The following MEIS2 variants were observed in gnomAD, a reference collection of about 807,000 sequenced individuals.
The protein encoded by MEIS2 is Meis homeobox 2.
MEIS2 carries 9 observed loss-of-function variants against 58.6 expected under a neutral mutation model. The observed-to-expected ratio is 0.15, with a 90% CI of 0.09 to 0.27. The LOEUF (loss-of-function observed/expected upper bound fraction) is 0.27, where lower values mean the gene tolerates loss of function less well. MEIS2 is among the 10% of genes least tolerant of loss of function. The pLI, the probability that MEIS2 is intolerant of heterozygous loss-of-function variation, is 1.00. For missense variants in MEIS2, 427 were observed against 635.0 expected, an observed-to-expected ratio of 0.67 and a Z score of 3.52; for synonymous variants, 221 against 228.4, an observed-to-expected ratio of 0.97 and a Z score of 0.29.
At chr15:37,074,538 T>G (rs956296242) in intron 7 of MEIS2, among the ~76,000 whole-genome samples, 35 of 151,970 alleles carry the variant, frequency 2.3e-4, no homozygotes, top group African/African-American at 8.0e-4. Context: ...TAATTCAATC[T>G]TATTTTACAG....
At chr15:36,983,687 A>G (rs12898938) in intron 8 of MEIS2, among the ~76,000 whole-genome samples, 78,674 of 151,816 alleles carry the variant, frequency 0.52, 21,110 homozygotes, top group South Asian at 0.7. Flanking sequence ...GAAAAATAAC[A>G]TTGGAATTTT....
At chr15:37,010,492 C>T (rs1157324977) in intron 8 of MEIS2, among the ~76,000 whole-genome samples, 1 of 152,148 alleles carries the variant, frequency 6.6e-6, no homozygotes, top group Non-Finnish European at 1.5e-5. Flanking sequence ...AAGAGATCCT[C>T]ACCCCTAAGC....
At chr15:36,955,905 C>T (rs564785678) in intron 8 of MEIS2, among the ~76,000 whole-genome samples, 1 of 148,956 alleles carries the variant, frequency 6.7e-6, no homozygotes, top group East Asian at 2.0e-4. Flanking sequence ...GGGCCGGGTG[C>T]GGTGGCTCAT....
Position 37,010,176 on chromosome 15 carries a change from A to C in MEIS2, c.900+26638T>G, listed in dbSNP as rs372936246. ...GATCTCGGCTCACTGCAAGCTCTGC[A>C]TCCTGGGTTCACGCCATTCTCCTGC... is the stretch of plus-strand genomic sequence containing the variant. On this transcript the variant is annotated intron_variant, in intron 8 of 11. Coordinates refer to ENST00000561208, the MANE Select transcript of MEIS2 (RefSeq NM_170675.5). Among the ~76,000 whole-genome samples the C allele has an allele frequency of 9.0e-4, 131 of 145,190 alleles. 1 individual carries two copies. In the South Asian group the frequency reaches 0.016, roughly 18 times the overall value.
Position 36,891,408 on chromosome 15 carries a change from CT to C in MEIS2, c.*764del, listed in dbSNP as rs34362471. 0.49 allele frequency: 74,806 copies of C among 152,058 alleles called. 18,654 individuals carry two copies. Among genetic ancestry groups the C allele is most frequent in the African/African-American group, 0.57 (23,656 of 41,332 alleles). The allele number at this position is 152,058 out of a possible 1,614,324, so 9.4% of individuals were successfully genotyped here. On this transcript the variant is annotated 3_prime_UTR_variant, in exon 12 of 12. Coordinates refer to ENST00000561208, the MANE Select transcript of MEIS2 (RefSeq NM_170675.5). ...GTTATGGTTCAATGACCATTAATAA[CT>C]TTTTTTTGTGTTGAGGAAAGCTGCC... is the stretch of plus-strand genomic sequence containing the variant.
intron 6 of MEIS2, among the ~76,000 whole-genome samples, chr15:37,089,744 A>G (rs578100220): frequency 1.3e-5 from 2 of 152,294 alleles, no homozygotes; most frequent in African/African-American, 4.8e-5. Context: ...ATTTGCTTCA[A>G]GAAAATAGAG....
At chr15:37,049,162 T>C (rs537295016) in intron 7 of MEIS2, among the ~76,000 whole-genome samples, 2 of 152,282 alleles carry the variant, frequency 1.3e-5, no homozygotes, top group Non-Finnish European at 2.9e-5. Context: ...ATACACATAA[T>C]AGCCCTAGAG....
At chr15:37,026,130 T>C (rs895385224) in intron 8 of MEIS2, among the ~76,000 whole-genome samples, 2 of 152,112 alleles carry the variant, frequency 1.3e-5, no homozygotes, top group African/African-American at 4.8e-5. Context: ...AACACTGAAA[T>C]AGAACCTATA....
At position 36,923,863 on chromosome 15, in the gene MEIS2, T is replaced by C. The variant is rs570245754; in HGVS notation, c.977+26461A>G. On this transcript the variant is annotated intron_variant, in intron 9 of 11. Coordinates refer to ENST00000561208, the MANE Select transcript of MEIS2 (RefSeq NM_170675.5). ...AGCAAGCCATGCCATGTCACCTCCC[T>C]CCATACAGGTTTGGCTGAAACATCT... is the stretch of plus-strand genomic sequence containing the variant. Among the ~76,000 whole-genome samples, 13 of 152,216 alleles carry C rather than the reference T, an allele frequency of 8.5e-5. No homozygotes were observed. The South Asian group carries it at 2.7e-3, about 32-fold the overall frequency.
intron 7 of MEIS2, 72 bp from the exon 8 acceptor site, chr15:37,037,031 A>G (rs2062185805): frequency 2.2e-6 from 3 of 1,376,614 alleles, no homozygotes; most frequent in African/African-American, 1.5e-5. Flanking sequence ...GCTAATGATG[A>G]GCTCAGCTAA....
At chr15:37,089,692 T>C (rs1487311202) in intron 6 of MEIS2, among the ~76,000 whole-genome samples, 1 of 152,212 alleles carries the variant, frequency 6.6e-6, no homozygotes, top group Non-Finnish European at 1.5e-5. Flanking sequence ...TGTAGCTCTT[T>C]ATGACCACTA....
chr15:36,963,379 CA>C (rs60924393), intron 8 of MEIS2, among the ~76,000 whole-genome samples: 57,279 of 121,666 alleles, frequency 0.47, 11,575 homozygotes, highest in East Asian at 0.63. Context: ...GACTCCATCT[CA>C]AAAAAAAAAA....
intron 8 of MEIS2, among the ~76,000 whole-genome samples, chr15:37,035,081 C>T (rs966909958): frequency 6.6e-6 from 1 of 152,062 alleles, no homozygotes; most frequent in Non-Finnish European, 1.5e-5. Context: ...CCAAGAAAGA[C>T]CAAGCATGGA....
chr15:37,037,006 CCAA>C lies in MEIS2; in HGVS notation c.755-50_755-48del, dbSNP rs761189576. 5.0e-5 allele frequency: 77 copies of C among 1,552,056 alleles called. 1 individual carries two copies. The South Asian group carries it at 5.6e-4, about 11-fold the overall frequency. On this transcript the variant is annotated intron_variant, in intron 7 of 11. Coordinates refer to ENST00000561208, the MANE Select transcript of MEIS2 (RefSeq NM_170675.5). ...ACATTAGAGAAAACATCGCAAGGTG[CCAA>C]CAACAAGTGCAGCTAATGATGAGCT...
Position 37,047,534 on chromosome 15 carries a change from G to A in MEIS2, c.755-10575C>T, listed in dbSNP as rs375151684. Among the ~76,000 whole-genome samples, 162 of 152,282 alleles carry A rather than the reference G, an allele frequency of 1.1e-3. 1 individual carries two copies. The highest frequency in any genetic ancestry group is 3.4e-3 in the African/African-American group (143 of 41,572). On this transcript the variant is annotated intron_variant, in intron 7 of 11. Transcript: ENST00000561208. ...TCTCAGGAGGTTAATCTTTGAACTGGTAAATGTTATAATTAGGAGCCTTGA... is the reference window on the plus strand; with the variant it reads ...TCTCAGGAGGTTAATCTTTGAACTGATAAATGTTATAATTAGGAGCCTTGA...
At chr15:36,914,431 C>T (rs961635171) in intron 9 of MEIS2, among the ~76,000 whole-genome samples, 1 of 152,200 alleles carries the variant, frequency 6.6e-6, no homozygotes. Context: ...AGATTAAATA[C>T]TGAGGTCTAG....
chr15:36,900,428 T>C (rs1420354236), intron 9 of MEIS2, among the ~76,000 whole-genome samples: 2 of 152,226 alleles, frequency 1.3e-5, no homozygotes, highest in African/African-American at 4.8e-5. Context: ...GAGTATCTAC[T>C]AAGACTATCT....
intron 7 of MEIS2, among the ~76,000 whole-genome samples, chr15:37,045,663 G>GGGCC (rs1202414805): frequency 6.6e-6 from 1 of 152,124 alleles, no homozygotes; most frequent in Non-Finnish European, 1.5e-5. Flanking sequence ...GGAGGATGAG[G>GGGCC]GGCCAGCAGT....
intron 7 of MEIS2, among the ~76,000 whole-genome samples, chr15:37,048,807 A>T (rs2062785666): frequency 6.6e-6 from 1 of 152,152 alleles, no homozygotes; most frequent in South Asian, 2.1e-4. Flanking sequence ...GAAGCTAGTG[A>T]TAGTTACCTA....
Sources: gnomAD v4.1 joint callset for allele counts (sites outside exome capture counted in the v4.1 genomes callset) on GRCh38, gnomAD v4.1.1 for gene constraint, MANE v1.5 for transcripts, NCBI Gene and HGNC (gene_info 2026-07-23, HGNC 2026-07-21) for gene names.